Variants in DAB1 observed in about 807,000 individuals in gnomAD.
The protein encoded by DAB1 is disabled homolog 1.
Under a neutral mutation model 64.6 loss-of-function variants are expected in DAB1, and 15 were observed. The observed-to-expected ratio is 0.23, with a 90% CI of 0.16 to 0.36. The LOEUF is 0.36. DAB1 is among the 10% of genes least tolerant of loss of function. The pLI is 1.00. For synonymous variants in DAB1, 235 were observed against 251.9 expected, an observed-to-expected ratio of 0.93 and a Z score of 0.64; for missense variants, 596 against 706.7, an observed-to-expected ratio of 0.84 and a Z score of 1.78.
At chr1:57,764,974 T>G (rs1336692643) in intron 6 of DAB1, among the ~76,000 whole-genome samples, 1 of 152,210 alleles carries the variant, frequency 6.6e-6, no homozygotes, top group Non-Finnish European at 1.5e-5. Flanking sequence ...ATGGAAATAC[T>G]GAGGTATCCA....
chr1:57,697,697 G>A (rs3126020), intron 6 of DAB1, among the ~76,000 whole-genome samples: 4 of 151,808 alleles, frequency 2.6e-5, no homozygotes, highest in Non-Finnish European at 5.9e-5. Flanking sequence ...ACATACCCTG[G>A]GAATGATTAC....
intron 2 of DAB1, among the ~76,000 whole-genome samples, chr1:58,516,595 A>G (rs2100440180): frequency 6.6e-6 from 1 of 152,336 alleles, no homozygotes; most frequent in South Asian, 2.1e-4. Context: ...TTTGCACAAT[A>G]AAATCACTCA....
intron 3 of DAB1, among the ~76,000 whole-genome samples, chr1:58,474,449 GAGA>G (rs905452839): frequency 1.3e-5 from 2 of 152,038 alleles, no homozygotes; most frequent in African/African-American, 4.8e-5. Flanking sequence ...GTTCCCCTGA[GAGA>G]AGGAGTTGGT....
chr1:58,003,628 C>T (rs981852496), intron 5 of DAB1, among the ~76,000 whole-genome samples: 1 of 152,166 alleles, frequency 6.6e-6, no homozygotes, highest in African/African-American at 2.4e-5. Context: ...GCCTGTCCTG[C>T]ACTCCGGGGT....
chr1:57,407,742 G>A (rs1043575677), intron 1 of DAB1, among the ~76,000 whole-genome samples: 1 of 151,326 alleles, frequency 6.6e-6, no homozygotes, highest in Non-Finnish European at 1.5e-5. Context: ...GGACTGTTGT[G>A]AAGATGGAAG....
At chr1:57,695,719 T>C (rs113179067) in intron 6 of DAB1, among the ~76,000 whole-genome samples, 2,715 of 152,144 alleles carry the variant, frequency 0.018, 78 homozygotes, top group African/African-American at 0.061. Context: ...AACAACATAG[T>C]GAAACCCCTG....
chr1:58,422,076 A>G lies in DAB1; in HGVS notation n.258-78673T>C, dbSNP rs149496053. On this transcript the variant is annotated intron_variant and non_coding_transcript_variant, in intron 3 of 20. Transcript: ENST00000485760. ...CTACTTGCCTCATGGAACAAGGGTT[A>G]AATAACCTTGGCACTAGAACCAGAA... 2.2e-4 allele frequency among the ~76,000 whole-genome samples: 34 copies of G among 152,146 alleles called. No individual in the cohort carries two copies. In the East Asian group the frequency reaches 6.2e-3, roughly 28 times the overall value.
At chr1:57,698,964 G>T (rs142236729) in intron 6 of DAB1, among the ~76,000 whole-genome samples, 2 of 152,188 alleles carry the variant, frequency 1.3e-5, no homozygotes, top group African/African-American at 4.8e-5. Flanking sequence ...TAGAGACAGG[G>T]TCCTTCTCCA....
chr1:57,242,693 T>C (rs1363597192), intron 2 of DAB1, among the ~76,000 whole-genome samples: 2 of 152,234 alleles, frequency 1.3e-5, no homozygotes, highest in Admixed American at 1.3e-4. Context: ...TTGGAACATT[T>C]TTTGAAGTCA....
At chr1:57,555,401 T>C (rs1410477163) in intron 7 of DAB1, among the ~76,000 whole-genome samples, 1 of 151,094 alleles carries the variant, frequency 6.6e-6, no homozygotes, top group South Asian at 2.1e-4. Context: ...GTTTTTTTTT[T>C]TTTTTTTCTT....
intron 1 of DAB1, among the ~76,000 whole-genome samples, chr1:57,868,674 A>C (rs1360993120): frequency 6.6e-6 from 1 of 152,094 alleles, no homozygotes; most frequent in Non-Finnish European, 1.5e-5. Flanking sequence ...GAGTTCCTTG[A>C]GGATGTGGAC....
At chr1:57,399,696 G>A (rs1275899599) in intron 1 of DAB1, among the ~76,000 whole-genome samples, 1 of 152,166 alleles carries the variant, frequency 6.6e-6, no homozygotes, top group Non-Finnish European at 1.5e-5. Context: ...ACTGATAGAA[G>A]TAAAGTGACT....
intron 2 of DAB1, among the ~76,000 whole-genome samples, chr1:57,279,007 C>T (rs1468242821): frequency 2.0e-5 from 3 of 152,330 alleles, no homozygotes; most frequent in South Asian, 2.1e-4. Flanking sequence ...CCAGCATCCT[C>T]GTTATTATTT....
intron 1 of DAB1, among the ~76,000 whole-genome samples, chr1:57,332,160 C>T (rs1278401834): frequency 6.6e-6 from 1 of 152,196 alleles, no homozygotes; most frequent in African/African-American, 2.4e-5. Flanking sequence ...GACAGGGTTT[C>T]ACCGTGTTGG....
chr1:57,767,665 A>C (rs947846533), intron 6 of DAB1, among the ~76,000 whole-genome samples: 1 of 152,142 alleles, frequency 6.6e-6, no homozygotes, highest in Non-Finnish European at 1.5e-5. Context: ...CTACTCAATA[A>C]ATAATTAATG....
At chr1:58,329,578 T>C (rs952296240) in intron 4 of DAB1, among the ~76,000 whole-genome samples, 34 of 152,230 alleles carry the variant, frequency 2.2e-4, no homozygotes, top group Non-Finnish European at 8.8e-5. Context: ...TACTTTGCCA[T>C]TGTATTTTTT....
At chr1:58,283,197 CATCT>C (rs1048678857) in intron 4 of DAB1, among the ~76,000 whole-genome samples, 6 of 152,018 alleles carry the variant, frequency 3.9e-5, no homozygotes, top group Non-Finnish European at 7.4e-5. Context: ...GTAGCCCATC[CATCT>C]GTCAGTGCGC....
chr1:57,952,114 AC>A (rs1317362525), intron 5 of DAB1, among the ~76,000 whole-genome samples: 1 of 149,152 alleles, frequency 6.7e-6, no homozygotes, highest in Non-Finnish European at 1.5e-5. Flanking sequence ...TACTTCTATG[AC>A]CTTTTTTTTT....
intron 4 of DAB1, among the ~76,000 whole-genome samples, chr1:58,318,078 A>C (rs1288457161): frequency 2.6e-5 from 4 of 152,226 alleles, no homozygotes; most frequent in Non-Finnish European, 5.9e-5. Flanking sequence ...AAAAAAGGAG[A>C]GAACAATTCA....
Sources: gnomAD v4.1 joint callset for allele counts (sites outside exome capture counted in the v4.1 genomes callset) on GRCh38, gnomAD v4.1.1 for gene constraint, MANE v1.5 for transcripts, NCBI Gene and HGNC (gene_info 2026-07-23, HGNC 2026-07-21) for gene names.